The following NEO1 variants were observed in gnomAD, a reference collection of about 807,000 sequenced individuals.
NEO1 encodes neogenin 1.
In NEO1, 63 loss-of-function variants were observed where a neutral mutation model predicts 159.7. That is an observed-to-expected ratio of 0.39 (90% CI 0.32 to 0.49). The LOEUF (loss-of-function observed/expected upper bound fraction) is 0.49, where lower values mean the gene tolerates loss of function less well. Ranked by LOEUF, NEO1 falls within the 20% of genes least tolerant of loss-of-function variation. The pLI is 0.85. For missense variants in NEO1, 1,615 were observed against 1,831.0 expected, an observed-to-expected ratio of 0.88 and a Z score of 2.15; for synonymous variants, 633 against 662.0, an observed-to-expected ratio of 0.96 and a Z score of 0.67.
At chr15:73,061,160 G>A (rs1478636837) in intron 1 of NEO1, among the ~76,000 whole-genome samples, 4 of 152,212 alleles carry the variant, frequency 2.6e-5, no homozygotes, top group Non-Finnish European at 5.9e-5. Flanking sequence ...TAGCTGATCA[G>A]AAGTGGGTAG....
chr15:73,094,515 A>C (rs1279892887), intron 1 of NEO1, among the ~76,000 whole-genome samples: 1 of 152,246 alleles, frequency 6.6e-6, no homozygotes, highest in Non-Finnish European at 1.5e-5. Context: ...TATTATGAAT[A>C]ATGCTGCAAT....
At chr15:73,054,187 C>G (rs1226951989) in intron 1 of NEO1, among the ~76,000 whole-genome samples, 3 of 152,150 alleles carry the variant, frequency 2.0e-5, no homozygotes, top group Non-Finnish European at 4.4e-5. Context: ...AGAAATATAA[C>G]TATTTTGGAA....
chr15:73,262,178 A>G (rs897822870), intron 15 of NEO1, among the ~76,000 whole-genome samples: 4 of 152,212 alleles, frequency 2.6e-5, no homozygotes, highest in African/African-American at 9.6e-5. Flanking sequence ...AAAGTGTAGG[A>G]AAAAATCTTT....
At chr15:73,173,219 C>T (rs1416356044) in intron 5 of NEO1, among the ~76,000 whole-genome samples, 1 of 152,046 alleles carries the variant, frequency 6.6e-6, no homozygotes, top group African/African-American at 2.4e-5. Flanking sequence ...AAGGAACAGA[C>T]AAACTTAACA....
At chr15:73,108,352 T>C (rs2070793775) in intron 1 of NEO1, among the ~76,000 whole-genome samples, 1 of 152,184 alleles carries the variant, frequency 6.6e-6, no homozygotes, top group African/African-American at 2.4e-5. Context: ...TTTATGGTAC[T>C]TTAAGAAGTT....
At chr15:73,082,257 T>TA (rs1018909009) in intron 1 of NEO1, among the ~76,000 whole-genome samples, 1 of 152,234 alleles carries the variant, frequency 6.6e-6, no homozygotes, top group African/African-American at 2.4e-5. Context: ...GCTCTTTAGA[T>TA]ATGTAACATT....
At position 73,249,603 on chromosome 15, in the gene NEO1, C is replaced by T. The variant is rs1319104249; in HGVS notation, c.1776C>T (p.His592=). ...TCAAGGATGTTGATGTTTCAAGTCA[C>T]TCTTACACCATTAATGGGTTGAAAA... ...DKEQDVDVSS[H]SYTINGLKKY... Residue 592 remains histidine, a synonymous_variant, in exon 11 of 29, where the codon CAC becomes CAT. Coordinates refer to ENST00000261908, the MANE Select transcript of NEO1 (RefSeq NM_002499.4). 9 of 1,611,366 alleles carry T rather than the reference C, an allele frequency of 5.6e-6. No homozygotes were observed. The African/African-American group carries it at 1.1e-4, about 19-fold the overall frequency.
At chr15:73,079,867 G>A (rs1002915160) in intron 1 of NEO1, among the ~76,000 whole-genome samples, 8 of 152,190 alleles carry the variant, frequency 5.3e-5, no homozygotes, top group African/African-American at 1.7e-4. Flanking sequence ...TGTATTAGAG[G>A]AAGGAATGAG....
intron 5 of NEO1, among the ~76,000 whole-genome samples, chr15:73,149,577 T>A (rs1245336770): frequency 6.6e-6 from 1 of 151,736 alleles, no homozygotes; most frequent in Non-Finnish European, 1.5e-5. Flanking sequence ...CTTGTCCAGG[T>A]GATTTCAGTG....
At chr15:73,220,423 G>A (rs533069149) in intron 7 of NEO1, among the ~76,000 whole-genome samples, 152 of 152,012 alleles carry the variant, frequency 1.0e-3, no homozygotes, top group African/African-American at 3.5e-3. Context: ...TGCTCTTCTC[G>A]AGGAGTATCT....
chr15:73,243,260 T>C (rs2039583620), intron 8 of NEO1, among the ~76,000 whole-genome samples: 2 of 152,166 alleles, frequency 1.3e-5, no homozygotes, highest in Admixed American at 1.3e-4. Flanking sequence ...AGCACTTCTC[T>C]GCAGTGCAAA....
chr15:73,128,561 G>C (rs2030645854), intron 4 of NEO1, among the ~76,000 whole-genome samples: 1 of 152,160 alleles, frequency 6.6e-6, no homozygotes, highest in South Asian at 2.1e-4. Context: ...GAATAGAGTA[G>C]TGAACCAAAT....
At chr15:73,115,747 G>A (rs1263106459) in intron 1 of NEO1, among the ~76,000 whole-genome samples, 1 of 152,080 alleles carries the variant, frequency 6.6e-6, no homozygotes, top group African/African-American at 2.4e-5. Context: ...AGAGTATAAG[G>A]TTTATAACAA....
chr15:73,190,544 T>G (rs143205861), intron 7 of NEO1, among the ~76,000 whole-genome samples: 1 of 152,166 alleles, frequency 6.6e-6, no homozygotes, highest in African/African-American at 2.4e-5. Context: ...GAGGTTAGCA[T>G]TGAATAATAG....
chr15:73,096,768 TC>T, intron 1 of NEO1, among the ~76,000 whole-genome samples: 1 of 152,158 alleles, frequency 6.6e-6, no homozygotes, highest in South Asian at 2.1e-4. Flanking sequence ...TGATTTGGCT[TC>T]TTCTGACTTC....
chr15:73,085,202 T>G (rs2151409510), intron 1 of NEO1, among the ~76,000 whole-genome samples: 1 of 152,316 alleles, frequency 6.6e-6, no homozygotes, highest in South Asian at 2.1e-4. Flanking sequence ...CCCTTTCCCT[T>G]TTCCGGGCAT....
Position 73,062,801 on chromosome 15 carries a change from T to A in NEO1, c.130+9996T>A, listed in dbSNP as rs1174199041. 2.8e-4 allele frequency among the ~76,000 whole-genome samples: 43 copies of A among 152,322 alleles called. 1 individual carries two copies. The highest frequency in any genetic ancestry group is 5.9e-5 in the Non-Finnish European group (4 of 68,026). On this transcript the variant is annotated intron_variant, in intron 1 of 28. Transcript: ENST00000261908. ...GGGAACAATGGATATTGGTTCCATT[T>A]TGGACACCTTGAGTCTGAAATGTCA...
At chr15:73,116,486 C>A in intron 1 of NEO1, 54 bp from the exon 2 acceptor site, 1 of 1,431,240 alleles carries the variant, frequency 7.0e-7, no homozygotes, top group Non-Finnish European at 9.2e-7. Flanking sequence ...TATTTTCTGA[C>A]AAATAATAGA....
At chr15:73,218,231 T>G (rs1034645204) in intron 7 of NEO1, among the ~76,000 whole-genome samples, 1 of 151,810 alleles carries the variant, frequency 6.6e-6, no homozygotes, top group Admixed American at 6.6e-5. Context: ...ATTACATTTA[T>G]TGATTTGCGT....
Sources: allele counts gnomAD v4.1 joint callset (sites outside exome capture counted in the v4.1 genomes callset), GRCh38; gene constraint gnomAD v4.1.1; transcripts MANE v1.5; gene names NCBI Gene and HGNC (gene_info 2026-07-23, HGNC 2026-07-21).